RPS6KA2: variants seen among roughly 807,000 people sequenced by gnomAD.
RPS6KA2 encodes the protein ribosomal protein S6 kinase A2.
RPS6KA2 carries 42 observed loss-of-function variants against 91.8 expected under a neutral mutation model. The observed-to-expected ratio is 0.46, with a 90% CI of 0.36 to 0.59. RPS6KA2 has a LOEUF of 0.59. RPS6KA2 is among the 20% of genes least tolerant of loss of function. The pLI is 0.00. For missense variants in RPS6KA2, 798 were observed against 978.5 expected, an observed-to-expected ratio of 0.82 and a Z score of 2.46; for synonymous variants, 414 against 393.6, an observed-to-expected ratio of 1.05 and a Z score of -0.61.
intron 2 of RPS6KA2, among the ~76,000 whole-genome samples, chr6:166,833,334 T>A (rs1780234926): frequency 6.6e-6 from 1 of 152,250 alleles, no homozygotes; most frequent in Non-Finnish European, 1.5e-5. Context: ...GAATATGGAC[T>A]TTTCCTTTAT....
chr6:166,544,349 G>A (rs1218261889), intron 1 of RPS6KA2, among the ~76,000 whole-genome samples: 1 of 152,128 alleles, frequency 6.6e-6, no homozygotes, highest in African/African-American at 2.4e-5. Context: ...AAGAGTAGAG[G>A]GGAGTCTGTG....
At chr6:166,664,718 C>A (rs1788267005) in intron 2 of RPS6KA2, among the ~76,000 whole-genome samples, 1 of 151,992 alleles carries the variant, frequency 6.6e-6, no homozygotes, top group African/African-American at 2.4e-5. Flanking sequence ...CAGTTTTATA[C>A]ATTATATATT....
At position 166,709,529 on chromosome 6, in the gene RPS6KA2, C is replaced by A. The variant is rs567067892; in HGVS notation, c.123+148671G>T. 6.6e-5 allele frequency among the ~76,000 whole-genome samples: 10 copies of A among 152,310 alleles called. No individual in the cohort carries two copies. In the South Asian group the frequency reaches 2.1e-3, roughly 32 times the overall value. ...AAACTATTTGATGGCTTCGCTTTAT[C>A]CTAATCTCAAATCACATTGTTATTC... On this transcript the variant is annotated intron_variant, in intron 2 of 21. Transcript: ENST00000503859.
At position 166,592,255 on chromosome 6, in the gene RPS6KA2, T is replaced by C. The variant is rs1055982700; in HGVS notation, c.99+34666A>G. Among the ~76,000 whole-genome samples the C allele has an allele frequency of 3.3e-5, 5 of 152,308 alleles. No individual in the cohort carries two copies. In the East Asian group the frequency reaches 7.7e-4, roughly 24 times the overall value. On this transcript the variant is annotated intron_variant, in intron 1 of 20. Transcript: ENST00000265678. ...GAATTCTCTGCTCTATGTGGAGTCCTGGCCTGCTGAGAGCTTCTGATGGGT... is the reference window on the plus strand; with the variant it reads ...GAATTCTCTGCTCTATGTGGAGTCCCGGCCTGCTGAGAGCTTCTGATGGGT...
At chr6:166,630,868 A>G (rs1396129169), upstream of RPS6KA2, among the ~76,000 whole-genome samples, 4 of 152,236 alleles carry the variant, frequency 2.6e-5, no homozygotes, top group Non-Finnish European at 1.5e-5. Context: ...CTTGCTCAGG[A>G]AGATGGTCTT....
intron 2 of RPS6KA2, among the ~76,000 whole-genome samples, chr6:166,774,951 G>A (rs1778574720): frequency 6.6e-6 from 1 of 151,946 alleles, no homozygotes; most frequent in Non-Finnish European, 1.5e-5. Flanking sequence ...CCAGCTTTTA[G>A]GGTTGGGAGG....
intron 2 of RPS6KA2, among the ~76,000 whole-genome samples, chr6:166,822,890 G>A (rs1426350792): frequency 3.3e-5 from 5 of 152,204 alleles, no homozygotes; most frequent in African/African-American, 4.8e-5. Context: ...AGAATGTTGT[G>A]GTTCCTCAGT....
chr6:166,790,295 A>G (rs1306103194), intron 2 of RPS6KA2, among the ~76,000 whole-genome samples: 2 of 152,220 alleles, frequency 1.3e-5, no homozygotes, highest in Non-Finnish European at 2.9e-5. Context: ...AAATGAAGTG[A>G]GAAAGGAAGT....
chr6:166,547,231 C>T (rs758628550), intron 1 of RPS6KA2, among the ~76,000 whole-genome samples: 1 of 152,120 alleles, frequency 6.6e-6, no homozygotes, highest in Non-Finnish European at 1.5e-5. Context: ...GGAGTGTGCA[C>T]GGGGCCAACT....
At chr6:166,702,728 C>T (rs1789561675) in intron 2 of RPS6KA2, 1 of 1,257,250 alleles carries the variant, frequency 8.0e-7, no homozygotes, top group Non-Finnish European at 1.2e-6. Flanking sequence ...AACGCGTAGC[C>T]AATCTTCACC....
At chr6:166,439,350 C>T (rs187595107) in intron 14 of RPS6KA2, among the ~76,000 whole-genome samples, 7 of 152,346 alleles carry the variant, frequency 4.6e-5, no homozygotes, top group East Asian at 1.9e-4. Context: ...TCAGGTGATC[C>T]AACTGCCTTG....
In RPS6KA2 at chr6:166,418,092, G is replaced by GAAA; in HGVS notation, c.1938+130_1938+132dup. 21 of 573,120 alleles carry GAAA rather than the reference G, an allele frequency of 3.7e-5. No individual in the cohort carries two copies. The highest frequency in any genetic ancestry group is 6.4e-5 in the East Asian group (2 of 31,094). The allele number at this position is 573,120 out of a possible 1,614,324, so 35.5% of individuals were successfully genotyped here. A position where few individuals can be genotyped will look rare whatever the true frequency, so the allele number is the denominator to read the frequency against. On this transcript the variant is annotated intron_variant, in intron 19 of 20. Transcript: ENST00000265678. This position sits in a 1 kb window ranked among gnomAD's most constrained non-coding sequence, Gnocchi z 4.9. ...GAGACAGAGCGAGACTCCATTTCAA[G>GAAA]AAAAAAAAAAAAATATGCTGAGGAT... is the stretch of plus-strand genomic sequence containing the variant.
chr6:166,534,059 A>G (rs1340374169), intron 2 of RPS6KA2, among the ~76,000 whole-genome samples: 1 of 152,026 alleles, frequency 6.6e-6, no homozygotes, highest in Non-Finnish European at 1.5e-5. Flanking sequence ...CGTCTCTACT[A>G]AAAATACAAA....
intron 2 of RPS6KA2, among the ~76,000 whole-genome samples, chr6:166,712,327 C>T (rs1789886932): frequency 6.6e-6 from 1 of 152,206 alleles, no homozygotes; most frequent in Non-Finnish European, 1.5e-5. Context: ...TGCTCAGCGT[C>T]AGGGCAGGGG....
intron 2 of RPS6KA2, among the ~76,000 whole-genome samples, chr6:166,645,480 T>C (rs1787577658): frequency 1.3e-5 from 2 of 152,102 alleles, no homozygotes; most frequent in Admixed American, 1.3e-4. Context: ...AGTCACAAAC[T>C]CTCCACCTCC....
intron 3 of RPS6KA2, among the ~76,000 whole-genome samples, chr6:166,528,603 A>G (rs1299426522): frequency 6.6e-6 from 1 of 151,390 alleles, no homozygotes; most frequent in Non-Finnish European, 1.5e-5. Flanking sequence ...TCCACACAGC[A>G]AAAGAAACTA....
Position 166,612,341 on chromosome 6 carries a change from A to T in RPS6KA2, c.99+14580T>A, listed in dbSNP as rs1392081055. 6.6e-6 allele frequency among the ~76,000 whole-genome samples: 1 copy of T among 152,088 alleles called. No individual in the cohort carries two copies. Among genetic ancestry groups the T allele is most frequent in the Non-Finnish European group, 1.5e-5 (1 of 68,002 alleles). ...TGGCTTCTCAGTGGTCTGCTCAGAGACGTTTATCCTCCTTGCAGCTGGTGC... is the reference window on the plus strand; with the variant it reads ...TGGCTTCTCAGTGGTCTGCTCAGAGTCGTTTATCCTCCTTGCAGCTGGTGC... On this transcript the variant is annotated intron_variant, in intron 1 of 20. Coordinates refer to ENST00000265678, the MANE Select transcript of RPS6KA2 (RefSeq NM_021135.6). This position sits in a 1 kb window ranked among gnomAD's most constrained non-coding sequence, Gnocchi z 4.3.
chr6:166,814,009 T>C (rs540845496), intron 2 of RPS6KA2, among the ~76,000 whole-genome samples: 6 of 152,358 alleles, frequency 3.9e-5, no homozygotes, highest in Admixed American at 2.0e-4. Flanking sequence ...TAAATACTTA[T>C]CAATTGTTGA....
chr6:166,709,974 C>A (rs75260768), intron 2 of RPS6KA2, among the ~76,000 whole-genome samples: 1 of 152,128 alleles, frequency 6.6e-6, no homozygotes, highest in Non-Finnish European at 1.5e-5. Context: ...TTTTCATGTA[C>A]GCCATATTCT....
Sources: gnomAD v4.1 joint callset for allele counts (sites outside exome capture counted in the v4.1 genomes callset) on GRCh38, gnomAD v4.1.1 for gene constraint, Gnocchi (gnomAD v3.1) non-coding constraint, MANE v1.5 for transcripts, NCBI Gene and HGNC (gene_info 2026-07-23, HGNC 2026-07-21) for gene names.